Variants in ERCC6L observed in about 807,000 individuals in gnomAD.
ERCC6L encodes the protein ERCC excision repair 6 like, spindle assembly checkpoint helicase.
In ERCC6L, 7 loss-of-function variants were observed where a neutral mutation model predicts 20.1. The ratio of observed to expected loss-of-function variants is 0.35; its 90% confidence interval spans 0.20 to 0.65. The LOEUF (loss-of-function observed/expected upper bound fraction) is 0.65. Among genes scored for constraint, ERCC6L ranks in the 30% least tolerant of loss-of-function variants. The pLI, the probability that ERCC6L is intolerant of heterozygous loss-of-function variation, is 0.69. For missense variants in ERCC6L, 592 were observed against 892.4 expected, an observed-to-expected ratio of 0.66 and a Z score of 4.29; for synonymous variants, 278 against 331.3, an observed-to-expected ratio of 0.84 and a Z score of 1.75.
intron 1 of ERCC6L, among the ~76,000 whole-genome samples, chrX:72,214,672 C>CAAAAAAA (rs58451189): frequency 4.8e-5 from 2 of 41,986 alleles, no homozygotes; most frequent in Non-Finnish European, 4.7e-5. Flanking sequence ...GACTCCATCT[C>CAAAAAAA]AAAAAAAAAA....
intron 1 of ERCC6L, among the ~76,000 whole-genome samples, chrX:72,212,920 T>G (rs1335522379): frequency 9.0e-6 from 1 of 111,404 alleles, no homozygotes; most frequent in Non-Finnish European, 1.9e-5. Context: ...CACTCCAGCC[T>G]GGGCTACAGA....
intron 1 of ERCC6L, among the ~76,000 whole-genome samples, chrX:72,229,042 G>C (rs1485197341): frequency 9.0e-6 from 1 of 111,006 alleles, no homozygotes; most frequent in Non-Finnish European, 1.9e-5. Flanking sequence ...CCTACTTCCA[G>C]GGCCAATCAG....
chrX:72,224,704 C>T (rs753495829), intron 1 of ERCC6L, among the ~76,000 whole-genome samples: 15 of 111,443 alleles, frequency 1.3e-4, no homozygotes, highest in Admixed American at 3.8e-4. Flanking sequence ...AAGATCACGC[C>T]ATTGTACTCC....
In ERCC6L at chrX:72,213,672, C is replaced by T. The variant is rs1002220681; in HGVS notation, c.69-4974G>A. Among the ~76,000 whole-genome samples the T allele has an allele frequency of 1.2e-4, 13 of 112,301 alleles. No homozygotes were observed. In the Admixed American group the frequency reaches 1.2e-3, roughly 11 times the overall value. ...GCTCCCAATCGGGCTAAAGGCTCGC[C>T]ATTGTTCCTGCATGGCTAAGTGCCC... On this transcript the variant is annotated intron_variant, in intron 1 of 1. Coordinates refer to ENST00000334463, the MANE Select transcript of ERCC6L (RefSeq NM_017669.4).
intron 1 of ERCC6L, among the ~76,000 whole-genome samples, chrX:72,230,521 C>T (rs2042977397): frequency 8.9e-6 from 1 of 112,538 alleles, no homozygotes; most frequent in Non-Finnish European, 1.9e-5. Context: ...CGGCCAGAAG[C>T]CCCTCTCAGG....
At chrX:72,226,617 T>C (rs141747729) in intron 1 of ERCC6L, among the ~76,000 whole-genome samples, 9 of 111,731 alleles carry the variant, frequency 8.1e-5, no homozygotes, top group Non-Finnish European at 1.7e-4. Flanking sequence ...CAGTTATCCA[T>C]TGCAAAGGAC....
intron 1 of ERCC6L, among the ~76,000 whole-genome samples, chrX:72,230,480 T>C (rs2042977216): frequency 8.9e-6 from 1 of 111,998 alleles, no homozygotes; most frequent in Non-Finnish European, 1.9e-5. Context: ...ATACTCTTAG[T>C]CTGTAAGAGA....
rs774754864 is a variant in ERCC6L at position 72,208,565 on chromosome X, C to T, written c.202G>A (p.Glu68Lys). Reference protein sequence around the residue: ...SRIQKIQEALEELAEQGDDEF... With the variant: ...SRIQKIQEALKELAEQGDDEF... ...TCATCTCCCTGTTCTGCCAACTCCT[C>T]CAAGGCTTCCTGTATTTTTTGGATT... The change falls in exon 2 of 2, where the codon GAG becomes AAG. Residue 68 changes from glutamate (E) to lysine (K), a missense_variant. Glu to Lys is a moderately conservative substitution (Grantham distance 56). Around this residue, in one of 3 missense-constraint regions of ERCC6L, gnomAD observed 44 missense variants for 49.8 expected, o/e 0.88. Coordinates refer to ENST00000334463, the MANE Select transcript of ERCC6L (RefSeq NM_017669.4). 6 of 1,211,819 alleles carry T rather than the reference C, an allele frequency of 5.0e-6. No individual in the cohort carries two copies. The South Asian group carries it at 1.1e-4, about 21-fold the overall frequency.
In ERCC6L at chrX:72,208,365, A is replaced by G; in HGVS notation, c.402T>C (p.Ala134=). 1 of 1,211,920 alleles carries G rather than the reference A, an allele frequency of 8.3e-7. No homozygotes were observed. Among genetic ancestry groups the G allele is most frequent in the Non-Finnish European group, 1.1e-6 (1 of 895,520 alleles). ...MGLGKTVQII[A]FLSGMFDASL... ...ATGCATCAAACATACCGGAAAGGAAAGCAATGATTTGAACAGTCTTCCCTA... is the reference window on the plus strand; with the variant it reads ...ATGCATCAAACATACCGGAAAGGAAGGCAATGATTTGAACAGTCTTCCCTA... The change falls in exon 2 of 2, where the codon GCT becomes GCC. Residue 134 remains alanine, a synonymous_variant. Coordinates refer to ENST00000334463, the MANE Select transcript of ERCC6L (RefSeq NM_017669.4).
chrX:72,235,876 G>C (rs1006837735), intron 1 of ERCC6L, among the ~76,000 whole-genome samples: 1 of 111,742 alleles, frequency 8.9e-6, no homozygotes, highest in Non-Finnish European at 1.9e-5. Context: ...CTTACCATAC[G>C]AAGGCTATGG....
At chrX:72,234,967 A>T (rs1015901386) in intron 1 of ERCC6L, among the ~76,000 whole-genome samples, 7 of 111,842 alleles carry the variant, frequency 6.3e-5, no homozygotes, top group Non-Finnish European at 9.4e-5. Flanking sequence ...CCTGCTTGAC[A>T]TCGATATTGA....
chrX:72,231,654 T>C (rs766859907), intron 1 of ERCC6L, among the ~76,000 whole-genome samples: 2 of 110,781 alleles, frequency 1.8e-5, no homozygotes, highest in African/African-American at 3.3e-5. Flanking sequence ...CCTGGGTTCA[T>C]AGGATTCTCC....
At chrX:72,227,435 A>C (rs769158354) in intron 1 of ERCC6L, among the ~76,000 whole-genome samples, 4 of 111,919 alleles carry the variant, frequency 3.6e-5, no homozygotes, top group Admixed American at 1.9e-4. Context: ...ACTGGGTTAC[A>C]CTTTTGCCTT....
At chrX:72,219,477 C>T (rs1461989689) in intron 1 of ERCC6L, among the ~76,000 whole-genome samples, 1 of 109,225 alleles carries the variant, frequency 9.2e-6, no homozygotes, top group African/African-American at 3.4e-5. Flanking sequence ...TCGCTTGAAC[C>T]TGGGAGATGG....
intron 1 of ERCC6L, among the ~76,000 whole-genome samples, chrX:72,225,807 T>C (rs1339195663): frequency 9.0e-6 from 1 of 111,209 alleles, no homozygotes; most frequent in Non-Finnish European, 1.9e-5. Context: ...CTTTCGTCTA[T>C]ATTTACACAG....
chrX:72,234,980 G>A (rs776794238), intron 1 of ERCC6L, among the ~76,000 whole-genome samples: 3 of 111,951 alleles, frequency 2.7e-5, no homozygotes, highest in Non-Finnish European at 5.6e-5. Flanking sequence ...GATATTGATG[G>A]ATTTCAAGTA....
Position 72,238,922 on chromosome X carries a change from T to C in ERCC6L, c.-11A>G. On this transcript the variant is annotated 5_prime_UTR_variant, in exon 1 of 2. Coordinates refer to ENST00000334463, the MANE Select transcript of ERCC6L (RefSeq NM_017669.4). ...TCGGGATGCCTCCATGACCCTCGGA[T>C]TGGGTTCCAGTTACCCCGGCGGGAG... 2.5e-6 allele frequency: 3 copies of C among 1,186,233 alleles called. No homozygotes were observed. Among genetic ancestry groups the C allele is most frequent in the Non-Finnish European group, 2.3e-6 (2 of 881,652 alleles).
intron 1 of ERCC6L, among the ~76,000 whole-genome samples, chrX:72,223,997 C>T (rs2042940599): frequency 9.0e-6 from 1 of 111,154 alleles, no homozygotes; most frequent in Non-Finnish European, 1.9e-5. Flanking sequence ...CCCTGTGAGG[C>T]CCCCTGACCA....
At chrX:72,230,224 G>A (rs770355515) in intron 1 of ERCC6L, among the ~76,000 whole-genome samples, 1 of 110,288 alleles carries the variant, frequency 9.1e-6, no homozygotes, top group East Asian at 2.9e-4. Flanking sequence ...CAGGCTATTT[G>A]AAGAGCAACC....
Sources: gnomAD v4.1 joint callset for allele counts (sites outside exome capture counted in the v4.1 genomes callset) on GRCh38, gnomAD v4.1.1 for gene constraint, gnomAD v4.1.1 regional missense constraint, MANE v1.5 for transcripts, NCBI Gene and HGNC (gene_info 2026-07-23, HGNC 2026-07-21) for gene names.